The following LRRK1 variants were observed in gnomAD, a reference collection of about 807,000 sequenced individuals.
LRRK1 encodes the protein leucine-rich repeat serine/threonine-protein kinase 1.
A neutral mutation model predicts 209.1 loss-of-function variants in LRRK1; 113 were observed. The observed-to-expected ratio is 0.54, with a 90% CI of 0.46 to 0.63. The LOEUF (loss-of-function observed/expected upper bound fraction) is 0.63. Among genes scored for constraint, LRRK1 ranks in the 30% least tolerant of loss-of-function variants. The pLI is 0.00. For synonymous variants in LRRK1, 1,144 were observed against 1,099.7 expected (o/e 1.04, Z -0.80); for missense variants, 2,284 against 2,632.2 (o/e 0.87, Z 2.89).
chr15:100,931,015 T>C (rs914511509), intron 2 of LRRK1, among the ~76,000 whole-genome samples: 2 of 152,370 alleles, frequency 1.3e-5, no homozygotes, highest in East Asian at 3.8e-4. Context: ...ACCCTTGGGT[T>C]CAGTTTGTCC....
chr15:101,007,023 G>A (rs770460751), intron 6 of LRRK1, among the ~76,000 whole-genome samples: 2 of 152,220 alleles, frequency 1.3e-5, no homozygotes, highest in Non-Finnish European at 2.9e-5. Flanking sequence ...CAGACAGACA[G>A]AGCGACAGAG....
At chr15:101,026,619 G>A (rs997569881) in intron 17 of LRRK1, among the ~76,000 whole-genome samples, 4 of 152,226 alleles carry the variant, frequency 2.6e-5, no homozygotes, top group Admixed American at 2.6e-4. Context: ...AAGTCCAATT[G>A]CCCTGGGCTG....
intron 33 of LRRK1, among the ~76,000 whole-genome samples, chr15:101,068,269 T>C (rs999744120): frequency 6.6e-6 from 1 of 152,186 alleles, no homozygotes; most frequent in Non-Finnish European, 1.5e-5. Context: ...AGAAGAATCT[T>C]ACTGAGCTTA....
intron 10 of LRRK1, among the ~76,000 whole-genome samples, 199 bp from the exon 11 acceptor site, chr15:101,014,117 T>C (rs1003012315): frequency 1.3e-5 from 2 of 152,100 alleles, no homozygotes; most frequent in African/African-American, 2.4e-5. Context: ...TGTAGATAGA[T>C]GGCCCCGTCG....
intron 3 of LRRK1, among the ~76,000 whole-genome samples, chr15:100,980,997 G>A (rs1235851857): frequency 1.3e-5 from 2 of 152,208 alleles, no homozygotes; most frequent in East Asian, 3.8e-4. Flanking sequence ...AGTGAAAAAA[G>A]CATTTGGTTG....
intron 16 of LRRK1, 81 bp downstream of exon 16, chr15:101,025,048 T>C (rs2033962123): frequency 7.3e-7 from 1 of 1,378,000 alleles, no homozygotes; most frequent in Non-Finnish European, 9.8e-7. Context: ...GCATCCCCTG[T>C]ACTGAGAAAA....
Position 101,026,154 on chromosome 15 carries a change from G to A in LRRK1, c.2405+17G>A, listed in dbSNP as rs141799908. 409 of 1,612,696 alleles carry A rather than the reference G, an allele frequency of 2.5e-4. No individual in the cohort carries two copies. The African/African-American group carries it at 4.8e-3, about 19-fold the overall frequency. ...ACACTTACAGTGAGTGCCCAGCCTC[G>A]GGCAGCTCCTGCCTTCTTGTGGGTG... On this transcript the variant is annotated intron_variant, in intron 17 of 33. Coordinates refer to ENST00000388948, the MANE Select transcript of LRRK1 (RefSeq NM_024652.6).
At chr15:101,014,109 T>G (rs2033416777) in intron 10 of LRRK1, among the ~76,000 whole-genome samples, 1 of 152,124 alleles carries the variant, frequency 6.6e-6, no homozygotes, top group Non-Finnish European at 1.5e-5. Context: ...GGAGCTCCTG[T>G]AGATAGATGG....
intron 2 of LRRK1, among the ~76,000 whole-genome samples, chr15:100,936,207 G>A (rs971701567): frequency 1.3e-5 from 2 of 152,208 alleles, no homozygotes; most frequent in Non-Finnish European, 2.9e-5. Context: ...TTGCTACAAA[G>A]AAAATATTTT....
chr15:101,031,374 T>C (rs562884934), intron 20 of LRRK1, among the ~76,000 whole-genome samples: 1 of 152,362 alleles, frequency 6.6e-6, no homozygotes, highest in South Asian at 2.1e-4. Flanking sequence ...ATATGGTCTC[T>C]AATTGGCTTC....
intron 31 of LRRK1, chr15:101,064,302 C>G (rs1207488770): frequency 6.5e-6 from 1 of 153,580 alleles, no homozygotes; most frequent in Admixed American, 6.5e-5. Context: ...CCTGAGCTCC[C>G]CCAGCTCCCC....
intron 20 of LRRK1, among the ~76,000 whole-genome samples, chr15:101,044,608 C>T (rs2034953415): frequency 6.6e-6 from 1 of 152,214 alleles, no homozygotes; most frequent in Non-Finnish European, 1.5e-5. Context: ...CCTTCTAAAC[C>T]TCTGCCCTCA....
At chr15:101,032,702 G>A (rs1422893761) in intron 20 of LRRK1, among the ~76,000 whole-genome samples, 1 of 152,136 alleles carries the variant, frequency 6.6e-6, no homozygotes, top group Non-Finnish European at 1.5e-5. Flanking sequence ...AGGGGTCGAG[G>A]TCCATTTTTT....
rs537362756 is a variant in LRRK1 at position 101,066,135 on chromosome 15, G to A, written c.5698G>A (p.Gly1900Arg). The A allele has an allele frequency of 2.5e-5, 41 of 1,613,842 alleles. No homozygotes were observed. Among genetic ancestry groups the A allele is most frequent in the East Asian group, 2.2e-5 (1 of 44,888 alleles). ...TGAGCATGACCTGACCCCCATGGAC[G>A]GGGAGACCTTCAGCCAGCACCTGCA... ...RSEHDLTPMD[G>R]ETFSQHLQAV... Residue 1900 changes from glycine to arginine, a missense_variant, in exon 32 of 34, where the codon GGG becomes AGG. Transcript: ENST00000388948.
At chr15:100,990,626 G>A (rs2032111179) in intron 6 of LRRK1, among the ~76,000 whole-genome samples, 1 of 151,624 alleles carries the variant, frequency 6.6e-6, no homozygotes, top group African/African-American at 2.4e-5. Flanking sequence ...ATATGTTCAT[G>A]AACTATTTGC....
chr15:101,014,439 G>A lies in LRRK1; in HGVS notation c.1532+11G>A, dbSNP rs755882805. Reference sequence around the variant, plus strand: ...AAACCAACTTGGCAAGTAAGCAGGGGCCTCTCCTCCCTGGCCAGTTCCAAA... The same window carrying A: ...AAACCAACTTGGCAAGTAAGCAGGGACCTCTCCTCCCTGGCCAGTTCCAAA... On this transcript the variant is annotated intron_variant, in intron 11 of 33. Coordinates refer to ENST00000388948, the MANE Select transcript of LRRK1 (RefSeq NM_024652.6). 8 of 1,576,978 alleles carry A rather than the reference G, an allele frequency of 5.1e-6. No individual in the cohort carries two copies. The highest frequency in any genetic ancestry group is 1.1e-5 in the South Asian group (1 of 90,270).
chr15:100,935,973 C>T (rs927016673), intron 2 of LRRK1, among the ~76,000 whole-genome samples: 3 of 152,202 alleles, frequency 2.0e-5, no homozygotes, highest in African/African-American at 4.8e-5. Context: ...CTAGGCCTCC[C>T]AAGGCATAGG....
chr15:101,064,460 C>A, intron 31 of LRRK1: 1 of 153,082 alleles, frequency 6.5e-6, no homozygotes, highest in Non-Finnish European at 1.5e-5. Context: ...CTGTTCCTGG[C>A]TCTGCCCTGG....
At position 101,065,871 on chromosome 15, in the gene LRRK1, T is replaced by TC; in HGVS notation, c.5436dup (p.Ile1813HisfsTer10). On this transcript the variant is annotated frameshift_variant, in exon 32 of 34. Transcript: ENST00000388948. LOFTEE classifies it high-confidence loss of function. Reference sequence around the variant, plus strand: ...CAACCCAAAGGTGCCTGAGGGGGACTCCATCGCGGACGTGAGCATCATGTA... The same window carrying TC: ...CAACCCAAAGGTGCCTGAGGGGGACTCCCATCGCGGACGTGAGCATCATGTA... 6.2e-7 allele frequency: 1 copy of TC among 1,614,114 alleles called. No homozygotes were observed. The highest frequency in any genetic ancestry group is 8.5e-7 in the Non-Finnish European group (1 of 1,180,014).
Sources: allele counts gnomAD v4.1 joint callset (sites outside exome capture counted in the v4.1 genomes callset), GRCh38; gene constraint gnomAD v4.1.1; transcripts MANE v1.5; gene names NCBI Gene and HGNC (gene_info 2026-07-23, HGNC 2026-07-21).